The following SLC39A11 variants were observed in gnomAD, a reference collection of about 807,000 sequenced individuals.
SLC39A11 encodes the protein solute carrier family 39 member 11.
A neutral mutation model predicts 36.1 loss-of-function variants in SLC39A11; 33 were observed. The ratio of observed to expected loss-of-function variants is 0.91; its 90% CI spans 0.69 to 1.22. The LOEUF is 1.22. Among genes scored for constraint, SLC39A11 ranks in the 50% most tolerant of loss-of-function variants. The probability of loss-of-function intolerance (pLI) is 0.00; values close to 1 mark genes in which losing one functional copy is unlikely to be tolerated. For synonymous variants in SLC39A11, 166 were observed against 170.3 expected (o/e 0.97, Z 0.20); for missense variants, 432 against 430.3 (o/e 1.00, Z -0.03).
chr17:72,727,669 A>G (rs933153046), intron 7 of SLC39A11, among the ~76,000 whole-genome samples: 138 of 149,470 alleles, frequency 9.2e-4, no homozygotes, highest in Middle Eastern at 3.5e-3. Context: ...AAAAAAAAAA[A>G]AAAGAAAGAA....
chr17:73,003,325 G>A (rs1242701806), intron 4 of SLC39A11, among the ~76,000 whole-genome samples: 2 of 152,224 alleles, frequency 1.3e-5, no homozygotes. Context: ...ATTGAGTTGT[G>A]TGTGCTAATG....
At chr17:72,661,339 G>T (rs1429537560) in intron 7 of SLC39A11, among the ~76,000 whole-genome samples, 1 of 152,188 alleles carries the variant, frequency 6.6e-6, no homozygotes, top group African/African-American at 2.4e-5. Context: ...TCTCAGGAGA[G>T]GTAGTGGAGA....
At chr17:72,795,504 C>T (rs2076867803) in intron 6 of SLC39A11, among the ~76,000 whole-genome samples, 1 of 152,154 alleles carries the variant, frequency 6.6e-6, no homozygotes, top group Non-Finnish European at 1.5e-5. Context: ...ACAGAGACTT[C>T]ACTTGACCTC....
intron 7 of SLC39A11, among the ~76,000 whole-genome samples, chr17:72,672,022 TCTC>T (rs769380377): frequency 4.6e-5 from 7 of 152,060 alleles, no homozygotes; most frequent in Admixed American, 4.6e-4. Context: ...TCTTAAATGT[TCTC>T]ATCATACACA....
chr17:72,723,202 T>C (rs747319150), intron 7 of SLC39A11, among the ~76,000 whole-genome samples: 2 of 152,156 alleles, frequency 1.3e-5, no homozygotes, highest in Non-Finnish European at 2.9e-5. Flanking sequence ...TGTCAGGTGC[T>C]TGTCAGGTGA....
intron 3 of SLC39A11, among the ~76,000 whole-genome samples, chr17:73,050,443 A>G (rs2059456161): frequency 6.8e-6 from 1 of 147,928 alleles, no homozygotes; most frequent in Admixed American, 6.8e-5. Flanking sequence ...TTATAGGAGC[A>G]GGGAGCCATG....
chr17:72,914,009 G>GGA (rs1555629088), intron 5 of SLC39A11, among the ~76,000 whole-genome samples: 26 of 147,382 alleles, frequency 1.8e-4, no homozygotes, highest in Non-Finnish European at 3.3e-4. Context: ...TAAAATAATT[G>GGA]AAAGAAAAAA....
intron 7 of SLC39A11, among the ~76,000 whole-genome samples, chr17:72,733,539 G>A (rs987803297): frequency 6.6e-6 from 1 of 152,110 alleles, no homozygotes; most frequent in Non-Finnish European, 1.5e-5. Flanking sequence ...CTGAGTCTGG[G>A]AGACTCCGGG....
At chr17:72,932,890 T>C (rs542999630) in intron 5 of SLC39A11, among the ~76,000 whole-genome samples, 2 of 152,330 alleles carry the variant, frequency 1.3e-5, no homozygotes, top group East Asian at 3.9e-4. Flanking sequence ...GAACTCCAAA[T>C]CTATACCATT....
intron 7 of SLC39A11, among the ~76,000 whole-genome samples, chr17:72,671,831 A>G (rs1041716720): frequency 6.6e-6 from 1 of 152,252 alleles, no homozygotes; most frequent in African/African-American, 2.4e-5. Flanking sequence ...CTGCATTAAT[A>G]GAAATAGAGA....
At chr17:73,047,194 T>C (rs1037372291) in intron 3 of SLC39A11, among the ~76,000 whole-genome samples, 2 of 151,470 alleles carry the variant, frequency 1.3e-5, no homozygotes, top group African/African-American at 4.9e-5. Flanking sequence ...CCGGCTAATT[T>C]TTTGTGTTTT....
intron 5 of SLC39A11, among the ~76,000 whole-genome samples, chr17:72,947,314 G>A (rs74640207): frequency 3.3e-5 from 4 of 120,090 alleles, no homozygotes; most frequent in South Asian, 2.6e-4. Context: ...ACTCCATCTC[G>A]GGGGGAAAAA....
chr17:72,832,483 A>T (rs1240049608), intron 6 of SLC39A11, among the ~76,000 whole-genome samples: 2 of 152,210 alleles, frequency 1.3e-5, no homozygotes, highest in Non-Finnish European at 2.9e-5. Context: ...AAAGTAATAC[A>T]TTTTGTTTAA....
intron 2 of SLC39A11, among the ~76,000 whole-genome samples, chr17:73,085,642 CAAA>C (rs35729985): frequency 2.0e-5 from 2 of 102,024 alleles, no homozygotes; most frequent in African/African-American, 3.9e-5. Context: ...AACTCCGCCT[CAAA>C]AAAAAAAAAA....
chr17:72,909,013 T>C (rs1158126427), intron 5 of SLC39A11, among the ~76,000 whole-genome samples: 1 of 152,166 alleles, frequency 6.6e-6, no homozygotes, highest in Non-Finnish European at 1.5e-5. Context: ...CAGAGGTATC[T>C]CAAAACCATA....
chr17:72,784,214 G>A (rs1402439478), intron 6 of SLC39A11, among the ~76,000 whole-genome samples: 1 of 152,152 alleles, frequency 6.6e-6, no homozygotes, highest in Non-Finnish European at 1.5e-5. Context: ...GCATGGTGGC[G>A]CATGCCTGTA....
At chr17:72,851,968 C>T (rs1043050699) in intron 5 of SLC39A11, among the ~76,000 whole-genome samples, 3 of 151,700 alleles carry the variant, frequency 2.0e-5, no homozygotes, top group Admixed American at 6.6e-5. Flanking sequence ...TTTGGGAGGC[C>T]GAGGCAGGCG....
At chr17:72,774,607 G>A (rs1227924557) in intron 6 of SLC39A11, among the ~76,000 whole-genome samples, 1 of 152,186 alleles carries the variant, frequency 6.6e-6, no homozygotes, top group Non-Finnish European at 1.5e-5. Flanking sequence ...AGTCATGCCT[G>A]GAGGGGGACT....
In SLC39A11 at chr17:72,900,139, AAAAAGAAAGAAAG is replaced by A. The variant is rs1567911999; in HGVS notation, c.430+47600_430+47612del. ...AAAGAAAGAAAAGAAAGAAAGAAAG[AAAAAGAAAGAAAG>A]AAAAGAAAGAAAGAAAGAAAGAAAG... On this transcript the variant is annotated intron_variant, in intron 5 of 9. Coordinates refer to ENST00000255559, the MANE Select transcript of SLC39A11 (RefSeq NM_139177.4). Among the ~76,000 whole-genome samples, 55 of 83,082 alleles carry A rather than the reference AAAAAGAAAGAAAG, an allele frequency of 6.6e-4. 10 individuals are homozygous for A. Among genetic ancestry groups the A allele is most frequent in the Non-Finnish European group, 9.0e-4 (44 of 48,622 alleles). The allele number at this position is 83,082 out of a possible 152,430, so 54.5% of individuals were successfully genotyped here. A position where few individuals can be genotyped will look rare whatever the true frequency, so the allele number is the denominator to read the frequency against.
Sources: gnomAD v4.1 joint callset for allele counts (sites outside exome capture counted in the v4.1 genomes callset) on GRCh38, gnomAD v4.1.1 for gene constraint, MANE v1.5 for transcripts, NCBI Gene and HGNC (gene_info 2026-07-23, HGNC 2026-07-21) for gene names.